The following C14orf39 variants were observed in gnomAD, a reference collection of about 807,000 sequenced individuals.
The protein encoded by C14orf39 is chromosome 14 open reading frame 39, also known as protein SIX6OS1.
C14orf39 carries 66 observed loss-of-function variants against 85.6 expected under a neutral mutation model. That is an observed-to-expected ratio of 0.77 (90% CI 0.63 to 0.95). The LOEUF is 0.95. Among genes scored for constraint, C14orf39 ranks in the 40% least tolerant of loss-of-function variants. C14orf39 has a pLI of 0.00. For synonymous variants in C14orf39, 242 were observed against 214.0 expected, an observed-to-expected ratio of 1.13 and a Z score of -1.14; for missense variants, 735 against 663.9, an observed-to-expected ratio of 1.11 and a Z score of -1.18.
Position 60,454,985 on chromosome 14 carries a change from TG to T in C14orf39, c.1503+15del. On this transcript the variant is annotated intron_variant, in intron 16 of 17. Coordinates refer to ENST00000321731, the MANE Select transcript of C14orf39 (RefSeq NM_174978.3). ...GCAGAATTTTTAGAAATAAAACTTT[TG>T]GCTTCTCATATTACCTGATCTGATG... 6.7e-7 allele frequency: 1 copy of T among 1,486,510 alleles called. No individual in the cohort carries two copies. The highest frequency in any genetic ancestry group is 8.9e-7 in the Non-Finnish European group (1 of 1,124,338). 92.1% of individuals were successfully genotyped at this position (1,486,510 alleles called of 1,614,324 possible).
At chr14:60,439,755 G>C (rs1890420040) in intron 17 of C14orf39, among the ~76,000 whole-genome samples, 1 of 152,186 alleles carries the variant, frequency 6.6e-6, no homozygotes, top group Non-Finnish European at 1.5e-5. Context: ...AAGTGAATGA[G>C]TGTCAAATGA....
intron 4 of C14orf39, among the ~76,000 whole-genome samples, chr14:60,478,625 C>A (rs1162104525): frequency 6.6e-6 from 1 of 151,984 alleles, no homozygotes; most frequent in East Asian, 1.9e-4. Context: ...TGTTTTTGAA[C>A]CATTACTAGG....
chr14:60,499,668 T>A (rs1037936969), intron 1 of C14orf39, among the ~76,000 whole-genome samples: 1 of 152,246 alleles, frequency 6.6e-6, no homozygotes, highest in African/African-American at 2.4e-5. Flanking sequence ...AGAACTGGAT[T>A]TGATAGATTC....
chr14:60,489,353 C>A (rs1335569928), upstream of C14orf39, among the ~76,000 whole-genome samples: 3 of 152,172 alleles, frequency 2.0e-5, no homozygotes, highest in Non-Finnish European at 4.4e-5. Flanking sequence ...AGTTTCTAAT[C>A]CAAGCTTTCG....
At chr14:60,442,290 C>A (rs1890557304) in intron 16 of C14orf39, among the ~76,000 whole-genome samples, 159 bp from the exon 17 acceptor site, 1 of 152,136 alleles carries the variant, frequency 6.6e-6, no homozygotes, top group African/African-American at 2.4e-5. Context: ...AAAGATCTAT[C>A]TTCAAAACCT....
intron 1 of C14orf39, chr14:60,511,270 C>T: frequency 6.2e-7 from 1 of 1,612,610 alleles, no homozygotes; most frequent in Non-Finnish European, 8.5e-7. Flanking sequence ...ATCCAGGATG[C>T]TCAGAAGCAG....
intron 5 of C14orf39, 116 bp from the exon 6 acceptor site, chr14:60,471,855 G>T: frequency 1.6e-6 from 1 of 609,410 alleles, no homozygotes; most frequent in Non-Finnish European, 2.7e-6. Context: ...TCTTATTCTT[G>T]CTTCCCTCAA....
In C14orf39 at chr14:60,478,300, T is replaced by A; in HGVS notation, c.323A>T (p.Lys108Ile). The A allele has an allele frequency of 6.6e-7, 1 of 1,504,096 alleles. No individual in the cohort carries two copies. The highest frequency in any genetic ancestry group is 1.3e-5 in the South Asian group (1 of 79,436). 93.2% of individuals were successfully genotyped at this position (1,504,096 alleles called of 1,614,324 possible). A position where few individuals can be genotyped will look rare whatever the true frequency, so the allele number is the denominator to read the frequency against. The change falls in exon 5 of 18, where the codon AAA (lysine) becomes ATA (isoleucine). Residue 108 changes from lysine to isoleucine, a missense_variant and splice_region_variant. Physicochemically the swap from Lys to Ile is moderately radical, Grantham distance 102. Coordinates refer to ENST00000321731, the MANE Select transcript of C14orf39 (RefSeq NM_174978.3). ...TVYQGTVEKD[K>I]EMYHDYICQY... The stretch of plus-strand genomic sequence containing the variant: ...GATAAACTTCATATAAGTACTATAC[T>A]TGTCTTTTTCAACAGTTCCTTGATA...
At position 60,502,180 on chromosome 14, in the gene C14orf39, TAC is replaced by T. The variant is rs1439775537; in HGVS notation, c.-143-2752_-143-2751del. On this transcript the variant is annotated intron_variant, in intron 1 of 5. Transcript: ENST00000556799. ...GAAAACCACTCCCCATCCTCCCATC[TAC>T]CTTCAGAAATTGAGTATTGTATCTT... 3.3e-5 allele frequency among the ~76,000 whole-genome samples: 5 copies of T among 152,210 alleles called. No individual in the cohort carries two copies. The East Asian group carries it at 9.6e-4, about 29-fold the overall frequency.
At chr14:60,472,464 A>C (rs558332300) in intron 5 of C14orf39, among the ~76,000 whole-genome samples, 41 of 152,190 alleles carry the variant, frequency 2.7e-4, no homozygotes, top group African/African-American at 9.6e-4. Context: ...GGTTTGTTAC[A>C]TATGTATACA....
chr14:60,510,024 A>C lies in C14orf39; in HGVS notation c.-144+5371T>G, dbSNP rs960272913. ...AGCGCACCGGGGAGGAGGCGGGTGG[A>C]GGCACCTCTGGCGCCCTTACCCAGT... On this transcript the variant is annotated intron_variant, in intron 1 of 5. Coordinates refer to the C14orf39 transcript ENST00000556799. The C allele has an allele frequency of 4.7e-6, 7 of 1,488,184 alleles. No homozygotes were observed. The African/African-American group carries it at 9.7e-5, about 21-fold the overall frequency. 92.2% of individuals were successfully genotyped at this position (1,488,184 alleles called of 1,614,324 possible). A position where few individuals can be genotyped will look rare whatever the true frequency, so the allele number is the denominator to read the frequency against.
At chr14:60,506,954 T>C (rs925928354) in intron 1 of C14orf39, among the ~76,000 whole-genome samples, 3 of 152,046 alleles carry the variant, frequency 2.0e-5, no homozygotes, top group Non-Finnish European at 4.4e-5. Context: ...AGAAACCAGC[T>C]CTCCCCGAAT....
In C14orf39 at chr14:60,500,689, C is replaced by T. The variant is rs746012195; in HGVS notation, c.-143-1259G>A. Among the ~76,000 whole-genome samples the T allele has an allele frequency of 3.2e-4, 49 of 152,126 alleles. 1 individual carries two copies. The highest frequency in any genetic ancestry group is 6.8e-3 in the Middle Eastern group (2 of 294). On this transcript the variant is annotated intron_variant, in intron 1 of 5. Coordinates refer to the C14orf39 transcript ENST00000556799. ...GTATGGATAATATAAATACTTTCAT[C>T]AAAGGGGAAAAAATGTGTGTCTCTG... is the stretch of plus-strand genomic sequence containing the variant.
At chr14:60,474,271 A>G (rs1347494397) in intron 5 of C14orf39, among the ~76,000 whole-genome samples, 1 of 152,194 alleles carries the variant, frequency 6.6e-6, no homozygotes, top group Non-Finnish European at 1.5e-5. Flanking sequence ...ACTTTGCTGA[A>G]GTTGTCTACC....
In C14orf39 at chr14:60,478,356, A is replaced by G. The variant is rs1401966143; in HGVS notation, c.267T>C (p.His89=). 4 of 1,581,130 alleles carry G rather than the reference A, an allele frequency of 2.5e-6. No homozygotes were observed. In the East Asian group the frequency reaches 9.2e-5, roughly 36 times the overall value. ...WKPTCDVFRK[H]EDYMQDQFTV... The stretch of plus-strand genomic sequence containing the variant: ...TAAATTGGTCCTGCATATAATCTTC[A>G]TGTTTACGAAAAACATCACATGTTG... The change falls in exon 5 of 18, where the codon CAT becomes CAC. Residue 89 remains histidine, a synonymous_variant. Coordinates refer to ENST00000321731, the MANE Select transcript of C14orf39 (RefSeq NM_174978.3).
chr14:60,444,488 C>A (rs549782595), intron 16 of C14orf39, among the ~76,000 whole-genome samples: 1 of 151,988 alleles, frequency 6.6e-6, no homozygotes, highest in Non-Finnish European at 1.5e-5. Context: ...AGCAAGAAGA[C>A]AAGATTAGAG....
intron 11 of C14orf39, among the ~76,000 whole-genome samples, chr14:60,462,536 A>G (rs2140093885): frequency 6.6e-6 from 1 of 152,266 alleles, no homozygotes; most frequent in South Asian, 2.1e-4. Context: ...TTAACAGAAA[A>G]GTTTATCTCA....
At position 60,465,976 on chromosome 14, in the gene C14orf39, T is replaced by A; in HGVS notation, c.972+3A>T. 2 of 1,524,572 alleles carry A rather than the reference T, an allele frequency of 1.3e-6. No individual in the cohort carries two copies. The highest frequency in any genetic ancestry group is 1.8e-6 in the Non-Finnish European group (2 of 1,131,934). 94.4% of individuals were successfully genotyped at this position (1,524,572 alleles called of 1,614,324 possible). On this transcript the variant is annotated splice_donor_region_variant and intron_variant, in intron 11 of 17. Coordinates refer to ENST00000321731, the MANE Select transcript of C14orf39 (RefSeq NM_174978.3). The stretch of plus-strand genomic sequence containing the variant: ...TTTATACTACTAAAAGTGAGACACC[T>A]ACCTGTGTATCATTTTCTTTTTGTC...
At chr14:60,501,238 C>A (rs895556900) in intron 1 of C14orf39, among the ~76,000 whole-genome samples, 2 of 142,854 alleles carry the variant, frequency 1.4e-5, no homozygotes, top group South Asian at 2.2e-4. Flanking sequence ...GCCAGGAGTT[C>A]GAGGTTGCAG....
Sources: gnomAD v4.1 joint callset for allele counts (sites outside exome capture counted in the v4.1 genomes callset) on GRCh38, gnomAD v4.1.1 for gene constraint, MANE v1.5 for transcripts, NCBI Gene and HGNC (gene_info 2026-07-23, HGNC 2026-07-21) for gene names.